The following CSMD1 variants were observed in gnomAD, a reference collection of about 807,000 sequenced individuals.
The protein encoded by CSMD1 is CUB and Sushi multiple domains 1.
Under a neutral mutation model 417.5 loss-of-function variants are expected in CSMD1, and 213 were observed. The ratio of observed to expected loss-of-function variants is 0.51; its 90% CI spans 0.46 to 0.57. CSMD1 has a LOEUF of 0.57. CSMD1 is among the 20% of genes least tolerant of loss of function. CSMD1 has a pLI of 0.00. For missense variants in CSMD1, 6,923 were observed against 4,529.7 expected, an observed-to-expected ratio of 1.53 and a Z score of -15.17; for synonymous variants, 2,862 against 1,736.8, an observed-to-expected ratio of 1.65 and a Z score of -16.11.
At chr8:4,275,848 G>A in intron 3 of CSMD1, among the ~76,000 whole-genome samples, 1 of 152,150 alleles carries the variant, frequency 6.6e-6, no homozygotes, top group Non-Finnish European at 1.5e-5. Context: ...TATTTTATAT[G>A]TTATTCCACA....
intron 3 of CSMD1, among the ~76,000 whole-genome samples, chr8:4,201,116 T>A (rs952426463): frequency 6.6e-6 from 1 of 152,184 alleles, no homozygotes; most frequent in African/African-American, 2.4e-5. Context: ...ATCAGTGACT[T>A]TGCATATCAA....
intron 11 of CSMD1, among the ~76,000 whole-genome samples, chr8:3,474,064 T>C (rs145265210): frequency 1.4e-4 from 22 of 152,228 alleles, no homozygotes; most frequent in Admixed American, 5.2e-4. Flanking sequence ...ATGGGGATTA[T>C]AGAGATTACA....
chr8:4,024,225 G>T (rs1342783446), intron 4 of CSMD1, among the ~76,000 whole-genome samples: 1 of 152,136 alleles, frequency 6.6e-6, no homozygotes, highest in African/African-American at 2.4e-5. Flanking sequence ...CAGAAGTGAT[G>T]TAACATATTA....
At chr8:3,503,541 C>T (rs951705650) in intron 10 of CSMD1, among the ~76,000 whole-genome samples, 1 of 152,224 alleles carries the variant, frequency 6.6e-6, no homozygotes, top group African/African-American at 2.4e-5. Flanking sequence ...CCAGATGGTT[C>T]TCTGGACCTT....
intron 3 of CSMD1, among the ~76,000 whole-genome samples, chr8:4,385,990 C>T (rs773266066): frequency 5.7e-5 from 8 of 140,006 alleles, no homozygotes; most frequent in Admixed American, 1.4e-4. Context: ...AGTTCATTTC[C>T]TCTGTTTCAT....
At chr8:3,353,924 G>A (rs773969597) in intron 21 of CSMD1, among the ~76,000 whole-genome samples, 2 of 152,070 alleles carry the variant, frequency 1.3e-5, no homozygotes, top group Admixed American at 6.6e-5. Flanking sequence ...CAATTCTTCT[G>A]TACAAAGGAA....
At chr8:4,441,961 C>T (rs1275808798) in intron 2 of CSMD1, among the ~76,000 whole-genome samples, 1 of 152,110 alleles carries the variant, frequency 6.6e-6, no homozygotes, top group Non-Finnish European at 1.5e-5. Context: ...AACTCAGGGG[C>T]CAAATGTTCC....
At chr8:4,715,108 T>C (rs986843307) in intron 1 of CSMD1, among the ~76,000 whole-genome samples, 2 of 152,188 alleles carry the variant, frequency 1.3e-5, no homozygotes, top group Non-Finnish European at 2.9e-5. Flanking sequence ...TCATCACTTA[T>C]AGTTCAGATC....
chr8:3,827,651 A>C (rs977422910), intron 5 of CSMD1, among the ~76,000 whole-genome samples: 3 of 152,220 alleles, frequency 2.0e-5, no homozygotes, highest in Admixed American at 6.5e-5. Context: ...TTCGAATAAA[A>C]CATGATTTTT....
intron 10 of CSMD1, among the ~76,000 whole-genome samples, chr8:3,535,633 T>C (rs188573715): frequency 2.2e-4 from 34 of 152,308 alleles, no homozygotes; most frequent in African/African-American, 6.7e-4. Context: ...AAGTAACAGA[T>C]ACCCTAAAAG....
chr8:4,193,767 A>T (rs565574797), intron 3 of CSMD1, among the ~76,000 whole-genome samples: 1 of 152,136 alleles, frequency 6.6e-6, no homozygotes, highest in South Asian at 2.1e-4. Context: ...CTGGCAAGTT[A>T]TGGAATCGGA....
At chr8:4,407,828 T>C (rs1188933042) in intron 3 of CSMD1, among the ~76,000 whole-genome samples, 2 of 152,160 alleles carry the variant, frequency 1.3e-5, no homozygotes, top group Non-Finnish European at 2.9e-5. Flanking sequence ...TGAACAAGTG[T>C]GAAAGTCTTA....
At chr8:4,655,852 G>A (rs1804197077) in intron 1 of CSMD1, among the ~76,000 whole-genome samples, 1 of 152,062 alleles carries the variant, frequency 6.6e-6, no homozygotes, top group African/African-American at 2.4e-5. Flanking sequence ...CACTTACTGA[G>A]AAAGAAAAGA....
At chr8:3,642,413 A>C (rs961008364) in intron 7 of CSMD1, among the ~76,000 whole-genome samples, 12 of 152,158 alleles carry the variant, frequency 7.9e-5, no homozygotes, top group Non-Finnish European at 1.3e-4. Context: ...TTATAACCTA[A>C]ATTTATGATA....
At chr8:4,231,095 T>G (rs1319583605) in intron 3 of CSMD1, among the ~76,000 whole-genome samples, 1 of 152,194 alleles carries the variant, frequency 6.6e-6, no homozygotes, top group East Asian at 1.9e-4. Flanking sequence ...AATTAAGCAT[T>G]TCTCCACCAA....
At position 3,573,643 on chromosome 8, in the gene CSMD1, A is replaced by C. The variant is rs1488585978; in HGVS notation, c.1344+1302T>G. On this transcript the variant is annotated intron_variant, in intron 10 of 69. Coordinates refer to ENST00000635120, the MANE Select transcript of CSMD1 (RefSeq NM_033225.6). ...TGATGAACACTTTACGGAATCTAAA[A>C]TCAGAACATTTCTCTTTTAGAACTG... 2.0e-5 allele frequency among the ~76,000 whole-genome samples: 3 copies of C among 152,210 alleles called. No individual in the cohort carries two copies. In the East Asian group the frequency reaches 5.8e-4, roughly 29 times the overall value.
intron 26 of CSMD1, among the ~76,000 whole-genome samples, chr8:3,273,168 T>C (rs1317643211): frequency 6.6e-6 from 1 of 151,152 alleles, no homozygotes; most frequent in East Asian, 1.9e-4. Flanking sequence ...TCAAAGGCCT[T>C]TTCTGCGTCT....
Position 3,189,029 on chromosome 8 carries a change from A to G in CSMD1, c.5399-18T>C, listed in dbSNP as rs755732469. 7 of 1,603,810 alleles carry G rather than the reference A, an allele frequency of 4.4e-6. No individual in the cohort carries two copies. The highest frequency in any genetic ancestry group is 2.2e-5 in the East Asian group (1 of 44,552). ...GCAGGGTACTAAAAGACACAACCAT[A>G]TGTCATGAAATAAAGTGCTGTGGGA... On this transcript the variant is annotated intron_variant, in intron 34 of 69. Transcript: ENST00000635120.
intron 23 of CSMD1, among the ~76,000 whole-genome samples, chr8:3,318,341 C>T (rs1222110499): frequency 6.6e-6 from 1 of 152,110 alleles, no homozygotes; most frequent in East Asian, 1.9e-4. Flanking sequence ...TCTGGAGTAG[C>T]ATATCCTCTG....
Sources: gnomAD v4.1 joint callset for allele counts (sites outside exome capture counted in the v4.1 genomes callset) on GRCh38, gnomAD v4.1.1 for gene constraint, MANE v1.5 for transcripts, NCBI Gene and HGNC (gene_info 2026-07-23, HGNC 2026-07-21) for gene names.